Variants in TTPAL observed in about 807,000 individuals in gnomAD.
TTPAL encodes the protein alpha tocopherol transfer protein like.
TTPAL carries 21 observed loss-of-function variants against 28.7 expected under a neutral mutation model. The observed-to-expected ratio is 0.73, with a 90% CI of 0.52 to 1.06. The LOEUF is 1.06. Ranked by LOEUF, TTPAL falls within the 50% of genes least tolerant of loss-of-function variation. TTPAL has a pLI of 0.00. For synonymous variants in TTPAL, 169 were observed against 171.9 expected, an observed-to-expected ratio of 0.98 and a Z score of 0.13; for missense variants, 345 against 425.5, an observed-to-expected ratio of 0.81 and a Z score of 1.67.
chr20:44,487,213 C>T (rs1288065262), intron 4 of TTPAL, among the ~76,000 whole-genome samples: 6 of 150,748 alleles, frequency 4.0e-5, no homozygotes, highest in African/African-American at 9.8e-5. Context: ...ATCCGGGAGG[C>T]GGAGGTTGCA....
In TTPAL at chr20:44,489,859, G is replaced by A. The variant is rs1029204831; in HGVS notation, c.*318G>A. On this transcript the variant is annotated 3_prime_UTR_variant, in exon 5 of 5. Transcript: ENST00000262605. ...TGGTGATCTGGTTCTTACACATCTT[G>A]GAAGCAAGAACAATCAGGACCAAAG... 7.5e-6 allele frequency: 2 copies of A among 267,570 alleles called. No homozygotes were observed. The highest frequency in any genetic ancestry group is 1.4e-5 in the Non-Finnish European group (2 of 140,048). The allele number at this position is 267,570 out of a possible 1,614,324, so 16.6% of individuals were successfully genotyped here. A position where few individuals can be genotyped will look rare whatever the true frequency, so the allele number is the denominator to read the frequency against.
rs1330661507 is a variant in TTPAL, at chr20:44,480,168, G to T, written c.169G>T (p.Asp57Tyr). The change falls in exon 2 of 5, where the codon GAT becomes TAT. Residue 57 changes from aspartate (D) to tyrosine (Y), a missense_variant. Transcript: ENST00000262605. This position sits in a 1 kb window ranked among gnomAD's most constrained non-coding sequence, Gnocchi z 4.1. ...LQEKPEWRLR[D>Y]VQALRDMVRK... ...GGAAAAGCCGGAATGGAGACTTCGA[G>T]ATGTGCAGGCCCTTCGTGACATGGT... The T allele has an allele frequency of 6.2e-7, 1 of 1,614,042 alleles. No individual in the cohort carries two copies. Among genetic ancestry groups the T allele is most frequent in the African/African-American group, 1.3e-5 (1 of 74,912 alleles).
At chr20:44,485,672 G>A (rs573328814) in intron 3 of TTPAL, 85 of 152,240 alleles carry the variant, frequency 5.6e-4, no homozygotes, top group African/African-American at 2.0e-3. Context: ...GCTTTCCTTC[G>A]CTGGCACTCC....
chr20:44,484,314 C>T (rs2064132510), intron 2 of TTPAL, 23 bp from the exon 3 acceptor site: 3 of 1,448,802 alleles, frequency 2.1e-6, no homozygotes, highest in East Asian at 2.3e-5. Context: ...CTGTAACATA[C>T]TGTCAATCTC....
At position 44,489,323 on chromosome 20, in the gene TTPAL, C is replaced by T. The variant is rs189447942; in HGVS notation, c.811C>T (p.Pro271Ser). 7 of 1,614,198 alleles carry T rather than the reference C, an allele frequency of 4.3e-6. No homozygotes were observed. In the East Asian group the frequency reaches 1.6e-4, roughly 36 times the overall value. ...LHTNLPRSILPKEYGGTAGEL... is the reference protein window; with the variant it reads ...LHTNLPRSILSKEYGGTAGEL... ...CACAAACCTTCCAAGAAGCATCCTCCCCAAGGAGTATGGGGGCACGGCTGG... is the reference window on the plus strand; with the variant it reads ...CACAAACCTTCCAAGAAGCATCCTCTCCAAGGAGTATGGGGGCACGGCTGG... The change falls in exon 5 of 5, where the codon CCC (proline) becomes TCC (serine). Residue 271 changes from proline to serine, a missense_variant. Physicochemically the swap from Pro to Ser is moderately conservative, Grantham distance 74. Transcript: ENST00000262605.
Position 44,480,038 on chromosome 20 carries a change from T to C in TTPAL, c.39T>C (p.Ser13=). The change falls in exon 2 of 5, where the codon TCT becomes TCC. Residue 13 remains serine (S), a synonymous_variant. Transcript: ENST00000262605. The surrounding 1 kb of genome is among the most constrained non-coding windows in gnomAD (Gnocchi z 4.1). ...GTGACTCTCTGAGAACCAGCCCTTCTGTGGCCTCACTCTCTGAAAATGAGC... is the reference window on the plus strand; with the variant it reads ...GTGACTCTCTGAGAACCAGCCCTTCCGTGGCCTCACTCTCTGAAAATGAGC... The part of the protein sequence containing the change: ...EESDSLRTSP[S]VASLSENELP... 1 of 1,614,138 alleles carries C rather than the reference T, an allele frequency of 6.2e-7. No individual in the cohort carries two copies. Among genetic ancestry groups the C allele is most frequent in the Non-Finnish European group, 8.5e-7 (1 of 1,179,976 alleles).
At chr20:44,484,678 A>G (rs954100225) in intron 3 of TTPAL, 148 bp downstream of exon 3, 36 of 569,458 alleles carry the variant, frequency 6.3e-5, no homozygotes, top group Non-Finnish European at 1.0e-4. Context: ...GAAGAAATTT[A>G]AAAGTCCTAT....
chr20:44,489,410 G>C lies in TTPAL; in HGVS notation c.898G>C (p.Glu300Gln), dbSNP rs772317551. ...LLASEDDFVK[E>Q]FCQPVPACDS... Reference sequence around the variant, plus strand: ...GGCTTCAGAAGACGATTTTGTGAAAGAGTTCTGCCAACCTGTTCCTGCCTG... The same window carrying C: ...GGCTTCAGAAGACGATTTTGTGAAACAGTTCTGCCAACCTGTTCCTGCCTG... The change falls in exon 5 of 5, where the codon GAG (glutamate) becomes CAG (glutamine). Residue 300 changes from glutamate (E) to glutamine (Q), a missense_variant. By Grantham distance (29) the Glu-to-Gln change is conservative (BLOSUM62 2). Transcript: ENST00000262605. 22 of 1,614,188 alleles carry C rather than the reference G, an allele frequency of 1.4e-5. No individual in the cohort carries two copies. Among genetic ancestry groups the C allele is most frequent in the Non-Finnish European group, 1.8e-5 (21 of 1,180,016 alleles).
At chr20:44,489,152 C>A in intron 4 of TTPAL, 111 bp from the exon 5 acceptor site, 1 of 1,253,396 alleles carries the variant, frequency 8.0e-7, no homozygotes, top group Non-Finnish European at 1.1e-6. Context: ...TTGCCATTAA[C>A]ATTTCCTTTC....
chr20:44,477,821 A>G (rs1175837471), intron 1 of TTPAL, among the ~76,000 whole-genome samples: 1 of 151,870 alleles, frequency 6.6e-6, no homozygotes, highest in African/African-American at 2.4e-5. Context: ...TGCCTGGCTA[A>G]TTTTTGTATT....
At chr20:44,482,223 A>C (rs1162540229) in intron 2 of TTPAL, among the ~76,000 whole-genome samples, 1 of 152,200 alleles carries the variant, frequency 6.6e-6, no homozygotes, top group Admixed American at 6.5e-5. Context: ...AAGCTGGCAC[A>C]ATTTGGGGAC....
Position 44,480,047 on chromosome 20 carries a change from ACT to A in TTPAL, c.53_54del (p.Ser18Ter), listed in dbSNP as rs1162280409. 1.2e-6 allele frequency: 2 copies of A among 1,613,716 alleles called. No homozygotes were observed. Among genetic ancestry groups the A allele is most frequent in the Admixed American group, 1.7e-5 (1 of 59,972 alleles). On this transcript the variant is annotated frameshift_variant, in exon 2 of 5. Coordinates refer to ENST00000262605, the MANE Select transcript of TTPAL (RefSeq NM_001039199.3). LOFTEE classifies it high-confidence loss of function. This position sits in a 1 kb window ranked among gnomAD's most constrained non-coding sequence, Gnocchi z 4.1. ...SLRTSPSVAS[L>X]SENELPPPPE... ...TGAGAACCAGCCCTTCTGTGGCCTCACTCTCTGAAAATGAGCTGCCACCACCA... is the reference window on the plus strand; with the variant it reads ...TGAGAACCAGCCCTTCTGTGGCCTCACTCTGAAAATGAGCTGCCACCACCA...
rs868707026 is a variant in TTPAL at position 44,478,072 on chromosome 20, T to C, written c.-15-1913T>C. ...AGTTCGAGGTTGCAGAGAGCTATGATTGCGCCACTGCACTTCAGCCTGGGT... is the reference window on the plus strand; with the variant it reads ...AGTTCGAGGTTGCAGAGAGCTATGACTGCGCCACTGCACTTCAGCCTGGGT... On this transcript the variant is annotated intron_variant, in intron 1 of 4. Transcript: ENST00000262605. 3.3e-5 allele frequency among the ~76,000 whole-genome samples: 5 copies of C among 152,312 alleles called. 1 individual carries two copies. Among genetic ancestry groups the C allele is most frequent in the Middle Eastern group, 6.8e-3 (2 of 294 alleles).
In TTPAL at chr20:44,491,984, G is replaced by GT. The variant is rs1236848260; in HGVS notation, c.*2448dup. 6.6e-6 allele frequency: 1 copy of GT among 152,324 alleles called. No individual in the cohort carries two copies. The highest frequency in any genetic ancestry group is 1.9e-4 in the East Asian group (1 of 5,342). The allele number at this position is 152,324 out of a possible 1,614,324, so 9.4% of individuals were successfully genotyped here. On this transcript the variant is annotated 3_prime_UTR_variant, in exon 5 of 5. Coordinates refer to ENST00000262605, the MANE Select transcript of TTPAL (RefSeq NM_001039199.3). ...GGACCTGGAGAGGCCTATTTCTTAG[G>GT]TTTTTCCAGTTGGACAAGGAAGGAG...
intron 3 of TTPAL, among the ~76,000 whole-genome samples, chr20:44,484,746 A>G (rs1310818612): frequency 6.6e-6 from 1 of 152,246 alleles, no homozygotes; most frequent in South Asian, 2.1e-4. Context: ...CTTCAGTAAG[A>G]CAAGAGTCCA....
chr20:44,485,862 G>A (rs1342458333), intron 3 of TTPAL: 1 of 152,192 alleles, frequency 6.6e-6, no homozygotes, highest in Non-Finnish European at 1.5e-5. Flanking sequence ...TAAAGGCTCT[G>A]AACAGGAATG....
In TTPAL at chr20:44,491,040, C is replaced by T. The variant is rs2064200456; in HGVS notation, c.*1499C>T. On this transcript the variant is annotated 3_prime_UTR_variant, in exon 5 of 5. Transcript: ENST00000262605. ...GCAGTGAGCCAAGATCGCACCACTG[C>T]ACTCCAGCCTGGGCGACAGAGCAAG... 2 of 140,966 alleles carry T rather than the reference C, an allele frequency of 1.4e-5. No individual in the cohort carries two copies. Among genetic ancestry groups the T allele is most frequent in the East Asian group, 4.1e-4 (2 of 4,836 alleles). 8.7% of individuals were successfully genotyped at this position (140,966 alleles called of 1,614,324 possible).
At chr20:44,479,130 G>A (rs2064075012) in intron 1 of TTPAL, among the ~76,000 whole-genome samples, 1 of 151,806 alleles carries the variant, frequency 6.6e-6, no homozygotes, top group African/African-American at 2.4e-5. Context: ...CCATTAATAT[G>A]GTAATATTAC....
At position 44,477,948 on chromosome 20, in the gene TTPAL, C is replaced by G. The variant is rs552604709; in HGVS notation, c.-16+1957C>G. ...GGGATTACAGGCATAAGCCACCACA[C>G]ACAGCCCAAGAAAAAATTTAAAAAT... On this transcript the variant is annotated intron_variant, in intron 1 of 4. Transcript: ENST00000262605. Among the ~76,000 whole-genome samples, 344 of 152,316 alleles carry G rather than the reference C, an allele frequency of 2.3e-3. 1 individual carries two copies. The highest frequency in any genetic ancestry group is 7.6e-3 in the African/African-American group (316 of 41,574).
Sources: allele counts gnomAD v4.1 joint callset (sites outside exome capture counted in the v4.1 genomes callset), GRCh38; gene constraint gnomAD v4.1.1; non-coding constraint Gnocchi (gnomAD v3.1); transcripts MANE v1.5; gene names NCBI Gene and HGNC (gene_info 2026-07-23, HGNC 2026-07-21).